The following SV2B variants were observed in gnomAD, a reference collection of about 807,000 sequenced individuals.
SV2B encodes synaptic vesicle glycoprotein 2B.
SV2B carries 41 observed loss-of-function variants against 73.9 expected under a neutral mutation model. That is an observed-to-expected ratio of 0.56 (90% CI 0.43 to 0.72). The LOEUF (loss-of-function observed/expected upper bound fraction) is 0.72, where lower values mean the gene tolerates loss of function less well. Among genes scored for constraint, SV2B ranks in the 30% least tolerant of loss-of-function variants. The pLI, the probability that SV2B is intolerant of heterozygous loss-of-function variation, is 0.00. For synonymous variants in SV2B, 314 were observed against 314.2 expected (o/e 1.00, Z 0.01); for missense variants, 764 against 857.8 (o/e 0.89, Z 1.37).
intron 4 of SV2B, among the ~76,000 whole-genome samples, chr15:91,254,331 G>C (rs12101329): frequency 0.12 from 18,848 of 150,964 alleles, 1,272 homozygotes; most frequent in Middle Eastern, 0.15. Flanking sequence ...CTGCCTCCCA[G>C]GTTCAAGCAG....
intron 1 of SV2B, among the ~76,000 whole-genome samples, 187 bp from the exon 2 acceptor site, chr15:91,225,685 TC>T (rs1337538379): frequency 2.0e-5 from 3 of 152,190 alleles, no homozygotes; most frequent in Admixed American, 2.0e-4. Context: ...CGGTTCCTTC[TC>T]CTTTAGCCTC....
At chr15:91,273,066 C>T (rs375003146) in intron 9 of SV2B, among the ~76,000 whole-genome samples, 3 of 152,090 alleles carry the variant, frequency 2.0e-5, no homozygotes, top group African/African-American at 7.2e-5. Flanking sequence ...CTCCTGACCT[C>T]AAGTGATCCG....
rs1034500786 is a variant in SV2B at position 91,232,544 on chromosome 15, G to T, written c.451+5830G>T. The stretch of plus-strand genomic sequence containing the variant: ...GGTTTAGGATGATCACTCTGCCCCA[G>T]TGATTTTGGTACTGAGAGTGCTTCT... On this transcript the variant is annotated intron_variant, in intron 2 of 12. Transcript: ENST00000394232. This position sits in a 1 kb window ranked among gnomAD's most constrained non-coding sequence, Gnocchi z 4.7. Among the ~76,000 whole-genome samples, 10 of 152,172 alleles carry T rather than the reference G, an allele frequency of 6.6e-5. No homozygotes were observed. Among genetic ancestry groups the T allele is most frequent in the Admixed American group, 2.6e-4 (4 of 15,274 alleles).
At chr15:91,114,235 G>C (rs948274642) in intron 1 of SV2B, among the ~76,000 whole-genome samples, 10 of 150,730 alleles carry the variant, frequency 6.6e-5, no homozygotes, top group African/African-American at 2.4e-4. Context: ...CCCTGGATTG[G>C]AGAACTGAGA....
chr15:91,171,031 A>C (rs2044103330), intron 1 of SV2B, among the ~76,000 whole-genome samples: 1 of 152,198 alleles, frequency 6.6e-6, no homozygotes, highest in South Asian at 2.1e-4. Flanking sequence ...CAGATGAGGA[A>C]ACTACGGCTC....
In SV2B at chr15:91,301,811, A is replaced by G. The variant is rs115003826; in HGVS notation, c.*9259A>G. Among the ~76,000 whole-genome samples the G allele has an allele frequency of 0.022, 3,407 of 152,252 alleles. 105 individuals carry two copies. The highest frequency in any genetic ancestry group is 0.073 in the African/African-American group (3,030 of 41,546). ...AGTCTGCACATTTGATATCTAAAAT[A>G]CTCCAGTGAGCTTTTCCTTGGAGTA... On this transcript the variant is annotated 3_prime_UTR_variant, in exon 13 of 13. Coordinates refer to ENST00000394232, the MANE Select transcript of SV2B (RefSeq NM_001323032.3). This position sits in a 1 kb window ranked among gnomAD's most constrained non-coding sequence, Gnocchi z 4.3.
rs2042249105 is a variant in SV2B, at chr15:91,118,855, T to C, written c.-392+18492T>C. Among the ~76,000 whole-genome samples the C allele has an allele frequency of 6.6e-6, 1 of 152,254 alleles. No homozygotes were observed. The highest frequency in any genetic ancestry group is 2.1e-4 in the South Asian group (1 of 4,836). The stretch of plus-strand genomic sequence containing the variant: ...TTAATCTGCCTCCTTCCTCCATTTC[T>C]GGTTCCTCTTCATAGCTTCTTGCCT... On this transcript the variant is annotated intron_variant, in intron 1 of 12. Transcript: ENST00000394232. The surrounding 1 kb of genome is among the most constrained non-coding windows in gnomAD (Gnocchi z 4.7).
At chr15:91,274,987 C>A (rs1466724719) in intron 9 of SV2B, among the ~76,000 whole-genome samples, 1 of 151,914 alleles carries the variant, frequency 6.6e-6, no homozygotes, top group African/African-American at 2.4e-5. Flanking sequence ...ATAACTTTTT[C>A]CATTTTTTTG....
chr15:91,116,275 T>C lies in SV2B; in HGVS notation c.-392+15912T>C, dbSNP rs115352136. 4.1e-3 allele frequency among the ~76,000 whole-genome samples: 632 copies of C among 152,298 alleles called. 5 individuals carry two copies. The highest frequency in any genetic ancestry group is 0.015 in the African/African-American group (606 of 41,572). ...CCAGGAGGGAGTGGGTGGCCTTCAT[T>C]TGTGCTGCTTCTGTTTGCAGGCTGT... On this transcript the variant is annotated intron_variant, in intron 1 of 12. Transcript: ENST00000394232.
intron 1 of SV2B, among the ~76,000 whole-genome samples, chr15:91,156,921 C>T (rs951314760): frequency 7.9e-5 from 12 of 152,170 alleles, no homozygotes; most frequent in African/African-American, 1.9e-4. Flanking sequence ...CGTAAAGTGT[C>T]GGGACAGATG....
rs548208869 is a variant in SV2B, at chr15:91,198,952, C to T, written c.-391-26921C>T. On this transcript the variant is annotated intron_variant, in intron 1 of 12. Transcript: ENST00000394232. ...CATGCACATTTGAAATTCGAAACAG[C>T]ATATTCAGTATTATCGAATATTATA... is the stretch of plus-strand genomic sequence containing the variant. Among the ~76,000 whole-genome samples the T allele has an allele frequency of 5.9e-5, 9 of 152,284 alleles. No homozygotes were observed. In the South Asian group the frequency reaches 1.9e-3, roughly 32 times the overall value.
At chr15:91,291,094 CATT>C (rs1159133980) in intron 12 of SV2B, among the ~76,000 whole-genome samples, 1 of 145,692 alleles carries the variant, frequency 6.9e-6, no homozygotes, top group East Asian at 1.9e-4. Flanking sequence ...AATTAGTATA[CATT>C]ATTATATATA....
chr15:91,225,711 C>G (rs2046352767), intron 1 of SV2B, among the ~76,000 whole-genome samples, 162 bp from the exon 2 acceptor site: 1 of 152,172 alleles, frequency 6.6e-6, no homozygotes, highest in Non-Finnish European at 1.5e-5. Context: ...CTCACCGATT[C>G]AATCCTCATT....
In SV2B at chr15:91,117,154, CT is replaced by C. The variant is rs572678946; in HGVS notation, c.-392+16796del. On this transcript the variant is annotated intron_variant, in intron 1 of 12. Transcript: ENST00000394232. ...CACAGAGCCACATCTTTGTCTCCTG[CT>C]TTTTGTTCCATGGTGGCAAGAGTAT... Among the ~76,000 whole-genome samples the C allele has an allele frequency of 7.1e-4, 108 of 152,290 alleles. No homozygotes were observed. The South Asian group carries it at 0.011, about 16-fold the overall frequency.
chr15:91,250,376 A>G (rs2047436578), intron 2 of SV2B, among the ~76,000 whole-genome samples: 1 of 152,216 alleles, frequency 6.6e-6, no homozygotes, highest in African/African-American at 2.4e-5. Flanking sequence ...CAAGCCCACA[A>G]CTGACAATCA....
rs566819387 is a variant in SV2B at position 91,130,099 on chromosome 15, C to A, written c.-392+29736C>A. On this transcript the variant is annotated intron_variant, in intron 1 of 12. Coordinates refer to ENST00000394232, the MANE Select transcript of SV2B (RefSeq NM_001323032.3). This position sits in a 1 kb window ranked among gnomAD's most constrained non-coding sequence, Gnocchi z 5.6. Reference sequence around the variant, plus strand: ...CAGGTCAGGCGTGCCAAGGCCTGAACCTGAACAGTGGTAGGAGAAAGGAAA... The same window carrying A: ...CAGGTCAGGCGTGCCAAGGCCTGAAACTGAACAGTGGTAGGAGAAAGGAAA... Among the ~76,000 whole-genome samples the A allele has an allele frequency of 6.6e-6, 1 of 151,920 alleles. No individual in the cohort carries two copies. Among genetic ancestry groups the A allele is most frequent in the Admixed American group, 6.5e-5 (1 of 15,280 alleles).
At chr15:91,107,297 GTTTA>G (rs10696273) in intron 1 of SV2B, among the ~76,000 whole-genome samples, 106 of 145,840 alleles carry the variant, frequency 7.3e-4, no homozygotes, top group South Asian at 3.9e-3. Context: ...TTATTTGTTT[GTTTA>G]TTTATTTATT....
chr15:91,203,904 A>G (rs1010138558), intron 1 of SV2B, among the ~76,000 whole-genome samples: 1 of 152,192 alleles, frequency 6.6e-6, no homozygotes, highest in Non-Finnish European at 1.5e-5. Context: ...AAGTGCTTTC[A>G]GAAGACCAAA....
At position 91,147,555 on chromosome 15, in the gene SV2B, C is replaced by T. The variant is rs116437287; in HGVS notation, c.-392+47192C>T. On this transcript the variant is annotated intron_variant, in intron 1 of 12. Transcript: ENST00000394232. ...AATCTCTTTTTAGTCTGAGTGAGAT[C>T]AACTTCCCTTTTCTGCTCTTTAAGG... 2.3e-3 allele frequency among the ~76,000 whole-genome samples: 349 copies of T among 152,292 alleles called. 2 individuals are homozygous for T. Among genetic ancestry groups the T allele is most frequent in the African/African-American group, 8.3e-3 (343 of 41,558 alleles).
Sources: allele counts gnomAD v4.1 joint callset (sites outside exome capture counted in the v4.1 genomes callset), GRCh38; gene constraint gnomAD v4.1.1; non-coding constraint Gnocchi (gnomAD v3.1); transcripts MANE v1.5; gene names NCBI Gene and HGNC (gene_info 2026-07-23, HGNC 2026-07-21).